The following SMARCC2 variants were observed in gnomAD, a reference collection of about 807,000 sequenced individuals.
SMARCC2 encodes SWI/SNF related BAF chromatin remodeling complex subunit C2.
In SMARCC2, 15 loss-of-function variants were observed where a neutral mutation model predicts 151.3. That is an observed-to-expected ratio of 0.10 (90% CI 0.07 to 0.15). The LOEUF is 0.15. Ranked by LOEUF, SMARCC2 falls within the 10% of genes least tolerant of loss-of-function variation. The probability of loss-of-function intolerance (pLI) is 1.00; values close to 1 mark genes in which losing one functional copy is unlikely to be tolerated. For missense variants in SMARCC2, 1,031 were observed against 1,599.7 expected (o/e 0.64, Z 6.06); for synonymous variants, 590 against 609.5 (o/e 0.97, Z 0.47).
intron 10 of SMARCC2, 23 bp downstream of exon 10, chr12:56,181,459 G>C: frequency 2.2e-6 from 3 of 1,338,110 alleles, no homozygotes; most frequent in East Asian, 2.3e-5. Flanking sequence ...GTGAACACGG[G>C]GGCAGGCTAG....
At chr12:56,178,556 G>A (rs759687397) in intron 13 of SMARCC2, 22 bp from the exon 14 acceptor site, 1 of 1,614,120 alleles carries the variant, frequency 6.2e-7, no homozygotes, top group Middle Eastern at 1.6e-4. Flanking sequence ...GAGGCTGCTG[G>A]ACACTCAGCA....
chr12:56,181,466 C>G lies in SMARCC2; in HGVS notation c.956+16G>C, dbSNP rs376072813. On this transcript the variant is annotated intron_variant, in intron 10 of 28. Coordinates refer to ENST00000550164, the MANE Select transcript of SMARCC2 (RefSeq NM_001330288.2). ...AGAGAATGGTGAACACGGGGGCAGG[C>G]TAGGGGCTGGCACACCCTTTCTTAG... 205 of 1,416,162 alleles carry G rather than the reference C, an allele frequency of 1.4e-4. No homozygotes were observed. Among genetic ancestry groups the G allele is most frequent in the Non-Finnish European group, 1.9e-4 (196 of 1,040,926 alleles). 87.7% of individuals were successfully genotyped at this position (1,416,162 alleles called of 1,614,324 possible). A position where few individuals can be genotyped will look rare whatever the true frequency, so the allele number is the denominator to read the frequency against.
At chr12:56,172,020 CT>C in intron 20 of SMARCC2, 83 bp from the exon 21 acceptor site, 1 of 1,365,982 alleles carries the variant, frequency 7.3e-7, no homozygotes, top group Non-Finnish European at 1.0e-6. Flanking sequence ...CTAAGGGCAG[CT>C]GGTTTCAAAG....
intron 1 of SMARCC2, among the ~76,000 whole-genome samples, chr12:56,188,821 C>A (rs961244619): frequency 1.3e-5 from 2 of 152,138 alleles, no homozygotes; most frequent in Non-Finnish European, 2.9e-5. Flanking sequence ...ACAGGTGATC[C>A]CTGGGTGGAG....
In SMARCC2 at chr12:56,172,950, C is replaced by T; in HGVS notation, c.1730G>A (p.Gly577Asp). 1 of 1,613,654 alleles carries T rather than the reference C, an allele frequency of 6.2e-7. No individual in the cohort carries two copies. The highest frequency in any genetic ancestry group is 1.1e-5 in the South Asian group (1 of 91,092). The change falls in exon 18 of 29, where the codon GGC becomes GAC. Residue 577 changes from glycine to aspartate, a missense_variant. Gly to Asp is a moderately conservative substitution (Grantham distance 94, BLOSUM62 -1). Transcript: ENST00000550164. ...LDDLVPETAK[G>D]KPELQTSASQ... ...CACCCCACCTACCAGCTCTGGCTTG[C>T]CCTTAGCCGTCTCTGGCACCAGGTC...
chr12:56,164,306 G>A lies in SMARCC2; in HGVS notation c.3658C>T (p.Pro1220Ser). 6.2e-7 allele frequency: 1 copy of A among 1,612,428 alleles called. No individual in the cohort carries two copies. Among genetic ancestry groups the A allele is most frequent in the African/African-American group, 1.3e-5 (1 of 75,024 alleles). ...TCCCCTCTTGGCCCCTTCTCACCTGGCAGTGGGCTGGCACTGGGCAGGAGG... is the reference window on the plus strand; with the variant it reads ...TCCCCTCTTGGCCCCTTCTCACCTGACAGTGGGCTGGCACTGGGCAGGAGG... Reference protein sequence around the residue: ...GNLLPSASPLPDPGTPLPPDP... With the variant: ...GNLLPSASPLSDPGTPLPPDP... The change falls in exon 28 of 29, where the codon CCA (proline) becomes TCA (serine). Residue 1220 changes from proline to serine, a missense_variant. Coordinates refer to ENST00000550164, the MANE Select transcript of SMARCC2 (RefSeq NM_001330288.2).
Position 56,169,713 on chromosome 12 carries a change from T to G in SMARCC2, c.2549-18A>C. 1 of 1,614,032 alleles carries G rather than the reference T, an allele frequency of 6.2e-7. No homozygotes were observed. The highest frequency in any genetic ancestry group is 1.6e-4 in the Middle Eastern group (1 of 6,062). ...AGGATCGACTGGGCCAGGACAAGGG[T>G]TGAGTTAGCCCCACAGCTTCACCTC... On this transcript the variant is annotated intron_variant, in intron 24 of 28. Coordinates refer to ENST00000550164, the MANE Select transcript of SMARCC2 (RefSeq NM_001330288.2).
At position 56,169,817 on chromosome 12, in the gene SMARCC2, T is replaced by A; in HGVS notation, c.2507A>T (p.Asp836Val). ...KKDEEKGKEGDSEKESEKSDG... is the reference protein window; with the variant it reads ...KKDEEKGKEGVSEKESEKSDG... Reference sequence around the variant, plus strand: ...ACTCTTCTCGGACTCCTTCTCACTGTCGCCTTCTTTCCCTTTCTCCTCATC... The same window carrying A: ...ACTCTTCTCGGACTCCTTCTCACTGACGCCTTCTTTCCCTTTCTCCTCATC... The change falls in exon 24 of 29, where the codon GAC becomes GTC. Residue 836 changes from aspartate to valine, a missense_variant. Physicochemically the swap from Asp to Val is radical, Grantham distance 152. This residue lies in a region of SMARCC2 where 119 missense variants were observed against 184.2 expected (regional missense o/e 0.65). Transcript: ENST00000550164. The A allele has an allele frequency of 1.9e-6, 3 of 1,614,088 alleles. No homozygotes were observed. Among genetic ancestry groups the A allele is most frequent in the Non-Finnish European group, 2.5e-6 (3 of 1,179,986 alleles).
chr12:56,188,896 T>TTC (rs1877798710), intron 1 of SMARCC2, among the ~76,000 whole-genome samples: 1 of 152,084 alleles, frequency 6.6e-6, no homozygotes, highest in African/African-American at 2.4e-5. Flanking sequence ...CTGCTTTCCA[T>TTC]TCTCTCTCTC....
At chr12:56,166,870 C>A (rs562034887) in intron 26 of SMARCC2, among the ~76,000 whole-genome samples, 4 of 152,094 alleles carry the variant, frequency 2.6e-5, no homozygotes, top group African/African-American at 9.6e-5. Context: ...TTGAGACCAG[C>A]CTGGCCAACA....
intron 2 of SMARCC2, among the ~76,000 whole-genome samples, 190 bp from the exon 3 acceptor site, chr12:56,186,430 A>C (rs1010808832): frequency 1.3e-5 from 2 of 148,538 alleles, no homozygotes; most frequent in African/African-American, 2.5e-5. Flanking sequence ...GGCTCACTGC[A>C]ACCTCTGCCT....
chr12:56,165,630 C>T lies in SMARCC2; in HGVS notation c.2920G>A (p.Glu974Lys). The T allele has an allele frequency of 6.2e-7, 1 of 1,613,628 alleles. No individual in the cohort carries two copies. Among genetic ancestry groups the T allele is most frequent in the Non-Finnish European group, 8.5e-7 (1 of 1,180,048 alleles). Residue 974 changes from glutamate to lysine, a missense_variant, in exon 27 of 29, where the codon GAG (glutamate) becomes AAG (lysine). Transcript: ENST00000550164. The stretch of plus-strand genomic sequence containing the variant: ...AAGTGCTGCTGCCGAGCCCTCATCT[C>T]CGCATACTTCAGCTGCTCCATGTGG... ...AFHMEQLKYA[E>K]MRARQQHFQQ...
chr12:56,168,922 G>A (rs536213715), intron 25 of SMARCC2, among the ~76,000 whole-genome samples: 85 of 152,266 alleles, frequency 5.6e-4, no homozygotes, highest in African/African-American at 2.0e-3. Flanking sequence ...GGAGGTTGCA[G>A]TGAGCCGAGA....
At position 56,173,036 on chromosome 12, in the gene SMARCC2, G is replaced by A; in HGVS notation, c.1651-7C>T. The A allele has an allele frequency of 1.9e-6, 3 of 1,613,770 alleles. No homozygotes were observed. Among genetic ancestry groups the A allele is most frequent in the African/African-American group, 1.3e-5 (1 of 75,068 alleles). ...CAGCATCAACCTGGCGGCCCTGGGG[G>A]ACAGAGCTTGGCGTCATGGAGGCTG... On this transcript the variant is annotated splice_polypyrimidine_tract_variant and splice_region_variant and intron_variant, in intron 17 of 28. Coordinates refer to ENST00000550164, the MANE Select transcript of SMARCC2 (RefSeq NM_001330288.2).
chr12:56,162,506 G>A lies in SMARCC2; in HGVS notation c.*1183C>T. The A allele has an allele frequency of 1.8e-6, 1 of 560,676 alleles. No individual in the cohort carries two copies. Among genetic ancestry groups the A allele is most frequent in the East Asian group, 2.9e-5 (1 of 34,324 alleles). 34.7% of individuals were successfully genotyped at this position (560,676 alleles called of 1,614,324 possible). A position where few individuals can be genotyped will look rare whatever the true frequency, so the allele number is the denominator to read the frequency against. ...ACATGAGGAACAAAGGGCCTGGTGG[G>A]AGGAACCAAGAAGAACCAGTGCAGA... On this transcript the variant is annotated 3_prime_UTR_variant, in exon 29 of 29. Transcript: ENST00000550164.
intron 27 of SMARCC2, 41 bp downstream of exon 27, chr12:56,165,277 G>A (rs1872562206): frequency 1.4e-6 from 2 of 1,455,570 alleles, no homozygotes; most frequent in South Asian, 3.1e-5. Flanking sequence ...CATTCACCTG[G>A]ATTCCTCTAG....
chr12:56,179,200 T>C, intron 11 of SMARCC2, 144 bp from the exon 12 acceptor site: 3 of 675,920 alleles, frequency 4.4e-6, no homozygotes. Flanking sequence ...ACAATTATTC[T>C]AGGGCTTCAA....
At chr12:56,169,464 CTAAG>C in intron 25 of SMARCC2, 61 bp downstream of exon 25, 1 of 1,551,390 alleles carries the variant, frequency 6.4e-7, no homozygotes, top group Non-Finnish European at 8.8e-7. Context: ...AAGATTTCCT[CTAAG>C]TGAGATGAGA....
At chr12:56,173,887 GC>G in intron 16 of SMARCC2, 38 bp from the exon 17 acceptor site, 2 of 1,580,578 alleles carry the variant, frequency 1.3e-6, no homozygotes, top group Non-Finnish European at 1.7e-6. Flanking sequence ...CACACGGATA[GC>G]CAGAAAGGTG....
Sources: gnomAD v4.1 joint callset for allele counts (sites outside exome capture counted in the v4.1 genomes callset) on GRCh38, gnomAD v4.1.1 for gene constraint, gnomAD v4.1.1 regional missense constraint, MANE v1.5 for transcripts, NCBI Gene and HGNC (gene_info 2026-07-23, HGNC 2026-07-21) for gene names.